INTS1: variants seen among roughly 807,000 people sequenced by gnomAD.
INTS1 encodes integrator complex subunit 1.
In INTS1, 137 loss-of-function variants were observed where a neutral mutation model predicts 241.6. The observed-to-expected ratio is 0.57, with a 90% CI of 0.49 to 0.65. The LOEUF (loss-of-function observed/expected upper bound fraction) is 0.65, where lower values mean the gene tolerates loss of function less well. Ranked by LOEUF, INTS1 falls within the 30% of genes least tolerant of loss-of-function variation. INTS1 has a pLI of 0.00. For missense variants in INTS1, 3,073 were observed against 3,032.2 expected, an observed-to-expected ratio of 1.01 and a Z score of -0.32; for synonymous variants, 1,692 against 1,337.8, an observed-to-expected ratio of 1.26 and a Z score of -5.78.
Position 1,470,455 on chromosome 7 carries a change from C to G in INTS1, c.*122G>C. 1.4e-6 allele frequency: 1 copy of G among 731,344 alleles called. No homozygotes were observed. Among genetic ancestry groups the G allele is most frequent in the Non-Finnish European group, 2.1e-6 (1 of 471,882 alleles). 45.3% of individuals were successfully genotyped at this position (731,344 alleles called of 1,614,324 possible). A position where few individuals can be genotyped will look rare whatever the true frequency, so the allele number is the denominator to read the frequency against. On this transcript the variant is annotated 3_prime_UTR_variant, in exon 48 of 48. Transcript: ENST00000404767. ...TATTGCTCCTGGGCCTGCCTGGCCT[C>G]AGGGCTCGGCGCCCTCACCTCCTCG...
Position 1,473,594 on chromosome 7 carries a change from A to G in INTS1, c.5929T>C (p.Phe1977Leu), listed in dbSNP as rs1436373422. ...AGCGGGTCGGCGTGCTTCTGCAGGAAGGAGATGGCTGCTGGGGCATTGTAG... is the reference window on the plus strand; with the variant it reads ...AGCGGGTCGGCGTGCTTCTGCAGGAGGGAGATGGCTGCTGGGGCATTGTAG... Reference protein sequence around the residue: ...ITYNAPAAISFLQKHADPLHD... With the variant: ...ITYNAPAAISLLQKHADPLHD... Residue 1977 changes from phenylalanine (F) to leucine (L), a missense_variant, in exon 42 of 48, where the codon TTC becomes CTC. By Grantham distance (22) the Phe-to-Leu change is conservative. Coordinates refer to ENST00000404767, the MANE Select transcript of INTS1 (RefSeq NM_001080453.3). The G allele has an allele frequency of 1.2e-6, 2 of 1,607,540 alleles. No homozygotes were observed. Among genetic ancestry groups the G allele is most frequent in the Non-Finnish European group, 1.7e-6 (2 of 1,177,250 alleles).
Position 1,476,506 on chromosome 7 carries a change from G to A in INTS1, c.5152-51C>T, listed in dbSNP as rs570591975. 1.7e-5 allele frequency: 28 copies of A among 1,600,908 alleles called. No individual in the cohort carries two copies. In the African/African-American group the frequency reaches 3.0e-4, roughly 17 times the overall value. ...CGGAGCACCACCGCCTCTCCCGGAT[G>A]GGCCACCCCCTCTCCCGGATGGGCC... is the stretch of plus-strand genomic sequence containing the variant. On this transcript the variant is annotated intron_variant, in intron 37 of 47. Coordinates refer to ENST00000404767, the MANE Select transcript of INTS1 (RefSeq NM_001080453.3).
intron 5 of INTS1, 52 bp from the exon 6 acceptor site, chr7:1,499,684 T>G (rs1190861712): frequency 2.0e-5 from 31 of 1,551,170 alleles, no homozygotes; most frequent in Non-Finnish European, 2.5e-5. Context: ...AGCAGCCAGG[T>G]TGGGGAACAC....
At chr7:1,477,724 C>G (rs753617438) in intron 34 of INTS1, 29 bp downstream of exon 34, 1 of 1,608,794 alleles carries the variant, frequency 6.2e-7, no homozygotes. Context: ...CGCCTGCCCA[C>G]CCTGGCCGTG....
chr7:1,490,979 A>G (rs1782520056), intron 16 of INTS1, among the ~76,000 whole-genome samples: 1 of 152,254 alleles, frequency 6.6e-6, no homozygotes, highest in African/African-American at 2.4e-5. Flanking sequence ...GGGCGCCAAG[A>G]CGGCCCAAGG....
rs369552239 is a variant in INTS1 at position 1,470,696 on chromosome 7, T to C, written c.6458-4A>G. ...TGGAGCAGCACAGCCGCGTGCTCTG[T>C]GGGGGAAACGGGGCCCTGCACGTCA... On this transcript the variant is annotated splice_polypyrimidine_tract_variant and splice_region_variant and intron_variant, in intron 47 of 47. Transcript: ENST00000404767. 1.2e-5 allele frequency: 18 copies of C among 1,538,226 alleles called. No individual in the cohort carries two copies. The African/African-American group carries it at 2.1e-4, about 18-fold the overall frequency.
intron 10 of INTS1, 145 bp downstream of exon 10, chr7:1,498,267 A>T: frequency 3.1e-6 from 4 of 1,270,492 alleles, no homozygotes; most frequent in Non-Finnish European, 4.3e-6. Flanking sequence ...TGCCCACGTG[A>T]GTTTCAAAAG....
intron 30 of INTS1, 138 bp from the exon 31 acceptor site, chr7:1,479,822 G>T: frequency 1.0e-6 from 1 of 984,782 alleles, no homozygotes; most frequent in South Asian, 1.9e-5. Context: ...CCCCCACCTT[G>T]TGGCCTGAGG....
At chr7:1,471,406 C>T (rs760972445) in intron 45 of INTS1, among the ~76,000 whole-genome samples, 165 bp downstream of exon 45, 5 of 152,272 alleles carry the variant, frequency 3.3e-5, no homozygotes, top group East Asian at 1.9e-4. Flanking sequence ...CCTGCTCTGG[C>T]GGCGGCTTGA....
In INTS1 at chr7:1,487,371, G is replaced by A. The variant is rs1245436061; in HGVS notation, c.2595C>T (p.Leu865=). The A allele has an allele frequency of 6.2e-7, 1 of 1,610,452 alleles. No individual in the cohort carries two copies. The highest frequency in any genetic ancestry group is 1.1e-5 in the South Asian group (1 of 90,384). Residue 865 remains leucine (L), a synonymous_variant, in exon 20 of 48, where the codon CTC becomes CTT. Transcript: ENST00000404767. The stretch of plus-strand genomic sequence containing the variant: ...AGTCAGGGTTTCGGCTGCGGCACAA[G>A]AGGTGCCCGAGGCGGAGGGACTGGT... ...SLNQSLRLGH[L]LCRSRNPDFL...
chr7:1,484,958 CAGGG>C, intron 24 of INTS1, 136 bp downstream of exon 24: 4 of 576,020 alleles, frequency 6.9e-6, no homozygotes, highest in African/African-American at 3.8e-5. Flanking sequence ...GTCCCCTCCC[CAGGG>C]CCACACTGCC....
chr7:1,497,830 C>T lies in INTS1; in HGVS notation c.1426-516G>A, dbSNP rs1006618277. 1.3e-5 allele frequency among the ~76,000 whole-genome samples: 2 copies of T among 152,220 alleles called. No homozygotes were observed. The highest frequency in any genetic ancestry group is 2.1e-4 in the South Asian group (1 of 4,828). On this transcript the variant is annotated intron_variant, in intron 10 of 47. Coordinates refer to ENST00000404767, the MANE Select transcript of INTS1 (RefSeq NM_001080453.3). This position sits in a 1 kb window ranked among gnomAD's most constrained non-coding sequence, Gnocchi z 5.3. ...CGCTGGTGGCGATGGGAGCATCTCC[C>T]GAGCCCGCTTCAAAGGAGACACGGA...
intron 13 of INTS1, 105 bp from the exon 14 acceptor site, chr7:1,494,998 G>C (rs1031014512): frequency 3.7e-6 from 5 of 1,355,508 alleles, no homozygotes; most frequent in Middle Eastern, 3.9e-4. Context: ...AGCGCTCAGA[G>C]GCCGGGCTGC....
At chr7:1,484,353 G>C (rs1279906818) in intron 24 of INTS1, among the ~76,000 whole-genome samples, 183 bp from the exon 25 acceptor site, 1 of 152,166 alleles carries the variant, frequency 6.6e-6, no homozygotes, top group African/African-American at 2.4e-5. Flanking sequence ...CTCTCCAGGG[G>C]GGAGGGAGGA....
intron 3 of INTS1, among the ~76,000 whole-genome samples, chr7:1,501,621 G>C (rs559995475): frequency 1.3e-5 from 2 of 152,152 alleles, no homozygotes; most frequent in South Asian, 2.1e-4. Flanking sequence ...GATAAATAAA[G>C]CACCGAGCCG....
In INTS1 at chr7:1,498,524, AG is replaced by A; in HGVS notation, c.1312del (p.Leu438TrpfsTer8). 6.2e-7 allele frequency: 1 copy of A among 1,613,854 alleles called. No individual in the cohort carries two copies. Among genetic ancestry groups the A allele is most frequent in the South Asian group, 1.1e-5 (1 of 91,078 alleles). On this transcript the variant is annotated frameshift_variant, in exon 10 of 48. Transcript: ENST00000404767. LOFTEE classifies it high-confidence loss of function. ...RELLSAHKDN[L>X]GTTIKLVIFN... ...GATCACCAACTTGATGGTGGTGCCC[AG>A]GTTGTCCTTGTGCGCGCTCAGCAGC...
At chr7:1,490,121 A>T (rs1782476485) in intron 16 of INTS1, among the ~76,000 whole-genome samples, 2 of 152,240 alleles carry the variant, frequency 1.3e-5, no homozygotes, top group South Asian at 4.1e-4. Context: ...CTGGAGCCAC[A>T]TGCAGAGGCT....
Position 1,489,104 on chromosome 7 carries a change from G to A in INTS1, c.2318+240C>T, listed in dbSNP as rs10272026. ...GCCCAGAAGAGCTGGGGGTGCCTGC[G>A]GACCTCCCTGCTGGCCTCCGTGATG... On this transcript the variant is annotated intron_variant, in intron 18 of 47. Coordinates refer to ENST00000404767, the MANE Select transcript of INTS1 (RefSeq NM_001080453.3). 2.6e-3 allele frequency among the ~76,000 whole-genome samples: 401 copies of A among 152,294 alleles called. 3 individuals carry two copies. The highest frequency in any genetic ancestry group is 9.0e-3 in the African/African-American group (376 of 41,572).
At chr7:1,496,994 C>A (rs6976875) in intron 11 of INTS1, 144 bp downstream of exon 11, 1 of 836,294 alleles carries the variant, frequency 1.2e-6, no homozygotes, top group East Asian at 2.7e-5. Flanking sequence ...GACGCGTCAC[C>A]GCAAACAGCC....
Sources: gnomAD v4.1 joint callset for allele counts (sites outside exome capture counted in the v4.1 genomes callset) on GRCh38, gnomAD v4.1.1 for gene constraint, Gnocchi (gnomAD v3.1) non-coding constraint, MANE v1.5 for transcripts, NCBI Gene and HGNC (gene_info 2026-07-23, HGNC 2026-07-21) for gene names.